The following SLC35F4 variants were observed in gnomAD, a reference collection of about 807,000 sequenced individuals.
SLC35F4 encodes chromosome 14 open reading frame 36.
A neutral mutation model predicts 44.2 loss-of-function variants in SLC35F4; 24 were observed. The ratio of observed to expected loss-of-function variants is 0.54; its 90% CI spans 0.39 to 0.76. SLC35F4 has a LOEUF of 0.76. SLC35F4 is among the 30% of genes least tolerant of loss of function. The probability of loss-of-function intolerance (pLI) is 0.00; values close to 1 mark genes in which losing one functional copy is unlikely to be tolerated. For synonymous variants in SLC35F4, 238 were observed against 223.6 expected (o/e 1.06, Z -0.57); for missense variants, 562 against 586.1 (o/e 0.96, Z 0.42).
At chr14:57,716,871 A>T (rs1283526789) in intron 1 of SLC35F4, among the ~76,000 whole-genome samples, 1 of 151,266 alleles carries the variant, frequency 6.6e-6, no homozygotes, top group East Asian at 1.9e-4. Context: ...ACCTCTCCCT[A>T]TTCCCCTACC....
chr14:57,650,846 T>C (rs1421496070), intron 1 of SLC35F4, among the ~76,000 whole-genome samples: 1 of 152,076 alleles, frequency 6.6e-6, no homozygotes, highest in East Asian at 1.9e-4. Flanking sequence ...TCAAGTTTGT[T>C]CATGTATCAA....
At position 57,740,902 on chromosome 14, in the gene SLC35F4, C is replaced by T. The variant is rs191078436; in HGVS notation, c.103+124821G>A. Among the ~76,000 whole-genome samples the T allele has an allele frequency of 1.3e-3, 197 of 152,338 alleles. 1 individual carries two copies. Among genetic ancestry groups the T allele is most frequent in the African/African-American group, 4.4e-3 (183 of 41,588 alleles). ...AGTAGGGGCCGACTGACACCTCACA[C>T]GGCCGGGTGCCCCTCTGAGACGAAG... On this transcript the variant is annotated intron_variant, in intron 1 of 7. Transcript: ENST00000556826.
chr14:57,889,258 C>A (rs987221813), intron 1 of SLC35F4, among the ~76,000 whole-genome samples: 63 of 152,340 alleles, frequency 4.1e-4, no homozygotes, highest in African/African-American at 1.5e-3. Context: ...TGCGGTGCAG[C>A]AGCAGGTCAG....
At chr14:57,914,479 C>T (rs905309914) in intron 1 of SLC35F4, among the ~76,000 whole-genome samples, 18 of 151,854 alleles carry the variant, frequency 1.2e-4, no homozygotes, top group Admixed American at 1.3e-4. Context: ...AGGAGAATGG[C>T]GTGAACCCAG....
intron 1 of SLC35F4, among the ~76,000 whole-genome samples, chr14:57,737,558 G>A (rs1006630129): frequency 1.1e-4 from 17 of 152,042 alleles, no homozygotes; most frequent in East Asian, 1.9e-4. Flanking sequence ...AACCCAGTTA[G>A]CTGTCAGAGG....
chr14:57,627,863 T>C (rs1267257798), intron 1 of SLC35F4, among the ~76,000 whole-genome samples: 2 of 152,064 alleles, frequency 1.3e-5, no homozygotes, highest in Non-Finnish European at 2.9e-5. Context: ...TTAGTCAATG[T>C]CTCCGAGTCA....
At chr14:57,591,481 G>A (rs561733985) in intron 2 of SLC35F4, among the ~76,000 whole-genome samples, 13 of 152,190 alleles carry the variant, frequency 8.5e-5, no homozygotes, top group Non-Finnish European at 1.9e-4. Context: ...TAAATAAGAG[G>A]ATAGAGAATC....
At chr14:57,808,757 G>A (rs1247333561) in intron 1 of SLC35F4, among the ~76,000 whole-genome samples, 4 of 152,196 alleles carry the variant, frequency 2.6e-5, no homozygotes, top group African/African-American at 9.7e-5. Flanking sequence ...AGTGAGCCAC[G>A]ATGGCACCCC....
intron 1 of SLC35F4, among the ~76,000 whole-genome samples, chr14:57,649,225 G>A (rs74729470): frequency 3.3e-5 from 5 of 151,940 alleles, no homozygotes; most frequent in African/African-American, 7.3e-5. Context: ...TTCCTCTTGC[G>A]GCTGTAACAA....
At chr14:57,969,025 T>C (rs913452773) in intron 1 of SLC35F4, among the ~76,000 whole-genome samples, 3 of 152,220 alleles carry the variant, frequency 2.0e-5, no homozygotes, top group African/African-American at 7.2e-5. Flanking sequence ...TAAAGATTAA[T>C]ATAATGTTAA....
intron 3 of SLC35F4, among the ~76,000 whole-genome samples, chr14:57,582,487 C>T (rs1054627805): frequency 2.0e-5 from 3 of 152,174 alleles, no homozygotes; most frequent in African/African-American, 7.2e-5. Context: ...CAGGCAAGAG[C>T]CACTGCACCT....
chr14:57,565,718 A>C (rs2068172644), intron 7 of SLC35F4, among the ~76,000 whole-genome samples: 1 of 149,596 alleles, frequency 6.7e-6, no homozygotes. Flanking sequence ...AAGTTGTTTC[A>C]TGTAGGTTGG....
At chr14:57,614,254 G>C (rs1229158216) in intron 1 of SLC35F4, among the ~76,000 whole-genome samples, 1 of 152,230 alleles carries the variant, frequency 6.6e-6, no homozygotes, top group Non-Finnish European at 1.5e-5. Flanking sequence ...TTGAGAGTTA[G>C]TGATTGAGGA....
In SLC35F4 at chr14:57,970,994, G is replaced by A. The variant is rs548432102; in HGVS notation, n.282+10919C>T. Among the ~76,000 whole-genome samples, 5 of 152,260 alleles carry A rather than the reference G, an allele frequency of 3.3e-5. No individual in the cohort carries two copies. The South Asian group carries it at 1.0e-3, about 32-fold the overall frequency. On this transcript the variant is annotated intron_variant and non_coding_transcript_variant, in intron 1 of 1. Transcript: ENST00000556568. ...ATTCCATCCCCTCAGAGATGACTTT[G>A]CTCTTATCTGTTATGTGTTAATTGA...
intron 1 of SLC35F4, among the ~76,000 whole-genome samples, chr14:57,611,591 A>AAAC (rs1555360594): frequency 2.6e-5 from 4 of 151,212 alleles, no homozygotes; most frequent in East Asian, 3.9e-4. Context: ...GAGTTAAAAA[A>AAAC]AAAAAAACAA....
rs75283148 is a variant in SLC35F4, at chr14:57,650,471, A to C, written c.104-56347T>G. Reference sequence around the variant, plus strand: ...GTCATCTAATTCATTAGCAAGTTCTACTGATTTGCCCAAAACACACCTCAA... The same window carrying C: ...GTCATCTAATTCATTAGCAAGTTCTCCTGATTTGCCCAAAACACACCTCAA... On this transcript the variant is annotated intron_variant, in intron 1 of 7. Coordinates refer to ENST00000556826, the MANE Select transcript of SLC35F4 (RefSeq NM_001306087.2). Among the ~76,000 whole-genome samples the C allele has an allele frequency of 5.7e-3, 872 of 152,150 alleles. 4 individuals are homozygous for C. Among genetic ancestry groups the C allele is most frequent in the African/African-American group, 0.02 (815 of 41,472 alleles).
intron 1 of SLC35F4, among the ~76,000 whole-genome samples, chr14:57,666,310 T>A (rs1423509660): frequency 6.6e-6 from 1 of 152,182 alleles, no homozygotes; most frequent in Non-Finnish European, 1.5e-5. Context: ...AGTTTTATTT[T>A]CCTCATTGAG....
At chr14:57,777,066 C>T (rs1172600372) in intron 1 of SLC35F4, among the ~76,000 whole-genome samples, 4 of 152,146 alleles carry the variant, frequency 2.6e-5, no homozygotes, top group Non-Finnish European at 5.9e-5. Context: ...ACTAACAACA[C>T]GATGACAGGA....
At chr14:57,565,555 G>A (rs1278310856) in intron 7 of SLC35F4, among the ~76,000 whole-genome samples, 1 of 152,192 alleles carries the variant, frequency 6.6e-6, no homozygotes, top group East Asian at 1.9e-4. Context: ...AGTTCCTGGT[G>A]TACACTAATT....
Sources: gnomAD v4.1 joint callset for allele counts (sites outside exome capture counted in the v4.1 genomes callset) on GRCh38, gnomAD v4.1.1 for gene constraint, MANE v1.5 for transcripts, NCBI Gene and HGNC (gene_info 2026-07-23, HGNC 2026-07-21) for gene names.